The following SCUBE1 variants were observed in gnomAD, a reference collection of about 807,000 sequenced individuals.
The protein encoded by SCUBE1 is signal peptide, CUB and EGF-like domain-containing protein 1.
SCUBE1 carries 59 observed loss-of-function variants against 124.4 expected under a neutral mutation model. The observed-to-expected ratio is 0.47, with a 90% CI of 0.38 to 0.59. SCUBE1 has a LOEUF of 0.59. SCUBE1 is among the 20% of genes least tolerant of loss of function. The probability of loss-of-function intolerance (pLI) is 0.00; values close to 1 mark genes in which losing one functional copy is unlikely to be tolerated. For missense variants in SCUBE1, 1,150 were observed against 1,371.2 expected (o/e 0.84, Z 2.55); for synonymous variants, 545 against 550.9 (o/e 0.99, Z 0.15).
At chr22:43,319,846 G>A in intron 3 of SCUBE1, 91 bp downstream of exon 3, 5 of 1,497,182 alleles carry the variant, frequency 3.3e-6, no homozygotes, top group African/African-American at 1.4e-5. Flanking sequence ...CCAAAGGAAG[G>A]AGAACCTTCT....
At chr22:43,308,744 A>T (rs1020435016) in intron 3 of SCUBE1, among the ~76,000 whole-genome samples, 1 of 152,194 alleles carries the variant, frequency 6.6e-6, no homozygotes, top group African/African-American at 2.4e-5. Flanking sequence ...CCCCATCGGG[A>T]GTCCCCCGAG....
Position 43,222,699 on chromosome 22 carries a change from C to A in SCUBE1, c.1371G>T (p.Pro457=), listed in dbSNP as rs375115729. 6 of 1,606,492 alleles carry A rather than the reference C, an allele frequency of 3.7e-6. No individual in the cohort carries two copies. The highest frequency in any genetic ancestry group is 2.2e-5 in the South Asian group (2 of 89,590). Residue 457 remains proline (P), a synonymous_variant, in exon 12 of 22, where the codon CCG becomes CCT. Coordinates refer to ENST00000360835, the MANE Select transcript of SCUBE1 (RefSeq NM_173050.5). ...SYVLSCGVPG[P]QGKALQKRNG... ...TGCGTTTCTGCAGCGCCTTGCCCTG[C>A]GGCCCTGGAACTCCGCAGCTCAGGA...
At chr22:43,278,569 C>A (rs1924629403) in intron 4 of SCUBE1, among the ~76,000 whole-genome samples, 3 of 152,194 alleles carry the variant, frequency 2.0e-5, no homozygotes, top group African/African-American at 7.2e-5. Context: ...CCAATAGGAA[C>A]CTGACAGCTA....
chr22:43,206,651 A>AAG (rs1569494236), intron 21 of SCUBE1, among the ~76,000 whole-genome samples: 1 of 150,868 alleles, frequency 6.6e-6, no homozygotes, highest in Non-Finnish European at 1.5e-5. Context: ...GAGGTGGGGG[A>AAG]AAGAAGGGGC....
chr22:43,306,772 A>AGGGAGT (rs1925984391), intron 3 of SCUBE1, among the ~76,000 whole-genome samples: 3 of 152,256 alleles, frequency 2.0e-5, no homozygotes, highest in Admixed American at 2.0e-4. Flanking sequence ...AGAGCTAGGA[A>AGGGAGT]GGGAGTGGGA....
rs890435150 is a variant in SCUBE1, at chr22:43,234,678, G to T, written c.845-2803C>A. Reference sequence around the variant, plus strand: ...AGCTTTTGCACCTCTCTGCCCTTCCGCTCCTTCCTGGGTTCCCACCCCACC... The same window carrying T: ...AGCTTTTGCACCTCTCTGCCCTTCCTCTCCTTCCTGGGTTCCCACCCCACC... On this transcript the variant is annotated intron_variant, in intron 7 of 21. Coordinates refer to ENST00000360835, the MANE Select transcript of SCUBE1 (RefSeq NM_173050.5). The surrounding 1 kb of genome is among the most constrained non-coding windows in gnomAD (Gnocchi z 4.4). Among the ~76,000 whole-genome samples, 1 of 152,084 alleles carries T rather than the reference G, an allele frequency of 6.6e-6. No individual in the cohort carries two copies. The highest frequency in any genetic ancestry group is 2.4e-5 in the African/African-American group (1 of 41,410).
rs1001131449 is a variant in SCUBE1 at position 43,263,425 on chromosome 22, A to T, written c.485-580T>A. On this transcript the variant is annotated intron_variant, in intron 4 of 21. Transcript: ENST00000360835. ...CAAGAGGCCAAGGCAGATGAAAGGGAAGCGCCTCTGTCTGCCAACCCACCA... is the reference window on the plus strand; with the variant it reads ...CAAGAGGCCAAGGCAGATGAAAGGGTAGCGCCTCTGTCTGCCAACCCACCA... Among the ~76,000 whole-genome samples, 12 of 152,346 alleles carry T rather than the reference A, an allele frequency of 7.9e-5. No homozygotes were observed. The South Asian group carries it at 2.3e-3, about 29-fold the overall frequency.
chr22:43,207,965 C>A, intron 20 of SCUBE1, 107 bp downstream of exon 20: 1 of 1,270,170 alleles, frequency 7.9e-7, no homozygotes, highest in Non-Finnish European at 1.1e-6. Context: ...CAGGTCTGTA[C>A]CTGCCAGGTC....
At chr22:43,207,696 CCCT>C (rs1350583008) in intron 20 of SCUBE1, 83 bp from the exon 21 acceptor site, 1 of 1,065,790 alleles carries the variant, frequency 9.4e-7, no homozygotes, top group Non-Finnish European at 1.4e-6. Flanking sequence ...CCTCTGCCCT[CCCT>C]CCTGTGCTCC....
At chr22:43,263,997 C>T (rs188560372) in intron 4 of SCUBE1, among the ~76,000 whole-genome samples, 8 of 152,292 alleles carry the variant, frequency 5.3e-5, no homozygotes, top group South Asian at 4.1e-4. Context: ...TAGTGGCGTG[C>T]GGTCAACGCT....
At chr22:43,229,613 G>A (rs1490830533) in intron 8 of SCUBE1, among the ~76,000 whole-genome samples, 1 of 152,146 alleles carries the variant, frequency 6.6e-6, no homozygotes, top group Non-Finnish European at 1.5e-5. Context: ...CCTCTTGGAT[G>A]CTGACCAAAG....
intron 3 of SCUBE1, among the ~76,000 whole-genome samples, chr22:43,298,908 C>T (rs950529541): frequency 9.9e-5 from 15 of 151,970 alleles, no homozygotes; most frequent in East Asian, 5.8e-4. Flanking sequence ...AAAAATTAGC[C>T]GGGCATGGTG....
intron 4 of SCUBE1, among the ~76,000 whole-genome samples, chr22:43,272,000 T>A (rs1025591476): frequency 2.0e-5 from 3 of 152,170 alleles, no homozygotes; most frequent in African/African-American, 7.2e-5. Flanking sequence ...AGGGAGCTGA[T>A]GCCCTGGTGG....
At chr22:43,270,845 C>CA (rs1284185192) in intron 4 of SCUBE1, among the ~76,000 whole-genome samples, 1 of 152,052 alleles carries the variant, frequency 6.6e-6, no homozygotes, top group African/African-American at 2.4e-5. Context: ...GCAAAACAAG[C>CA]AAAAAAACTC....
At chr22:43,230,589 A>G (rs536764867) in intron 8 of SCUBE1, among the ~76,000 whole-genome samples, 1 of 152,316 alleles carries the variant, frequency 6.6e-6, no homozygotes, top group East Asian at 1.9e-4. Context: ...GAACTTGGCA[A>G]GGCCAACAGA....
rs1389658555 is a variant in SCUBE1 at position 43,258,240 on chromosome 22, A to G, written c.706T>C (p.Ser236Pro). Residue 236 changes from serine to proline, a missense_variant, in exon 6 of 22, where the codon TCA (serine) becomes CCA (proline). By Grantham distance (74) the Ser-to-Pro change is moderately conservative (BLOSUM62 -1). Around this residue, in one of 3 missense-constraint regions of SCUBE1, gnomAD observed 337 missense variants for 482.1 expected, o/e 0.70. Transcript: ENST00000360835. This position sits in a 1 kb window ranked among gnomAD's most constrained non-coding sequence, Gnocchi z 5.0. Reference sequence around the variant, plus strand: ...TTACCGATGCACGTGCGACCGTCTGAGTGGAGGGCGTACTTCTGGTGGCAA... The same window carrying G: ...TTACCGATGCACGTGCGACCGTCTGGGTGGAGGGCGTACTTCTGGTGGCAA... Reference protein sequence around the residue: ...CGCHQKYALHSDGRTCIETCA... With the variant: ...CGCHQKYALHPDGRTCIETCA... 1.1e-5 allele frequency: 17 copies of G among 1,613,336 alleles called. No individual in the cohort carries two copies. Among genetic ancestry groups the G allele is most frequent in the Non-Finnish European group, 1.2e-5 (14 of 1,179,562 alleles).
At chr22:43,212,003 G>A (rs1378709032) in intron 17 of SCUBE1, among the ~76,000 whole-genome samples, 5 of 152,246 alleles carry the variant, frequency 3.3e-5, no homozygotes, top group Admixed American at 3.3e-4. Flanking sequence ...GGGAGTTGGT[G>A]AGTGAGGGAA....
intron 4 of SCUBE1, among the ~76,000 whole-genome samples, chr22:43,269,035 G>C (rs1924186657): frequency 2.0e-5 from 3 of 152,100 alleles, no homozygotes. Flanking sequence ...GTATGAACTT[G>C]GGCCCCGGCT....
At position 43,214,039 on chromosome 22, in the gene SCUBE1, G is replaced by A. The variant is rs1339248342; in HGVS notation, c.2053+51C>T. On this transcript the variant is annotated intron_variant, in intron 16 of 21. Coordinates refer to ENST00000360835, the MANE Select transcript of SCUBE1 (RefSeq NM_173050.5). ...AGGAGGGCCTCATCAGAGACAGGAG[G>A]AGCCCCCGCCCACCCCCCACCCCCA... is the stretch of plus-strand genomic sequence containing the variant. 4.5e-6 allele frequency: 3 copies of A among 659,458 alleles called. No homozygotes were observed. The Admixed American group carries it at 1.0e-4, about 22-fold the overall frequency. 40.9% of individuals were successfully genotyped at this position (659,458 alleles called of 1,614,324 possible). A position where few individuals can be genotyped will look rare whatever the true frequency, so the allele number is the denominator to read the frequency against.
Sources: allele counts gnomAD v4.1 joint callset (sites outside exome capture counted in the v4.1 genomes callset), GRCh38; gene constraint gnomAD v4.1.1; regional missense constraint gnomAD v4.1.1; non-coding constraint Gnocchi (gnomAD v3.1); transcripts MANE v1.5; gene names NCBI Gene and HGNC (gene_info 2026-07-23, HGNC 2026-07-21).